KCNQ5: variants seen among roughly 807,000 people sequenced by gnomAD.
The protein encoded by KCNQ5 is potassium voltage-gated channel subfamily Q member 5.
KCNQ5 carries 30 observed loss-of-function variants against 98.2 expected under a neutral mutation model. The observed-to-expected ratio is 0.31, with a 90% CI of 0.23 to 0.41. KCNQ5 has a LOEUF of 0.41. Ranked by LOEUF, KCNQ5 falls within the 10% of genes least tolerant of loss-of-function variation. KCNQ5 has a pLI of 1.00. For synonymous variants in KCNQ5, 458 were observed against 449.4 expected, an observed-to-expected ratio of 1.02 and a Z score of -0.24; for missense variants, 835 against 1,182.5, an observed-to-expected ratio of 0.71 and a Z score of 4.31.
chr6:73,072,336 T>C (rs1356877637), intron 3 of KCNQ5, among the ~76,000 whole-genome samples: 1 of 152,216 alleles, frequency 6.6e-6, no homozygotes, highest in East Asian at 1.9e-4. Context: ...CCAGATGATT[T>C]AGTTCTTTTC....
intron 1 of KCNQ5, among the ~76,000 whole-genome samples, chr6:72,771,539 T>G (rs74953834): frequency 0.045 from 6,792 of 152,032 alleles, 493 homozygotes; most frequent in African/African-American, 0.15. Flanking sequence ...TCCCTGCTGA[T>G]TAGTGATGTA....
At chr6:72,995,677 G>A (rs1242099512) in intron 1 of KCNQ5, among the ~76,000 whole-genome samples, 1 of 152,118 alleles carries the variant, frequency 6.6e-6, no homozygotes, top group Non-Finnish European at 1.5e-5. Context: ...GAAGATAAGG[G>A]TAAAACATTA....
intron 1 of KCNQ5, among the ~76,000 whole-genome samples, chr6:72,785,526 T>C (rs1206961616): frequency 1.3e-5 from 2 of 151,778 alleles, no homozygotes; most frequent in Admixed American, 1.3e-4. Context: ...GGTGGGCGCC[T>C]GTAATCCCAG....
At position 73,149,641 on chromosome 6, in the gene KCNQ5, C is replaced by CA. The variant is rs368221650; in HGVS notation, c.1468+16006dup. Among the ~76,000 whole-genome samples, 1,497 of 152,014 alleles carry CA rather than the reference C, an allele frequency of 9.8e-3. 26 individuals carry two copies. Among genetic ancestry groups the CA allele is most frequent in the African/African-American group, 0.035 (1,436 of 41,450 alleles). ...TGAAACCCTGTCTCTACTAAAAATA[C>CA]AAAAAATTAGCTGGGCGATGTGGCA... On this transcript the variant is annotated intron_variant, in intron 10 of 13. Transcript: ENST00000370398.
intron 1 of KCNQ5, among the ~76,000 whole-genome samples, chr6:72,644,984 G>C (rs1262237963): frequency 3.9e-5 from 6 of 152,052 alleles, no homozygotes; most frequent in Admixed American, 3.3e-4. Context: ...TAGAACATGA[G>C]TTCTCAGGGT....
Position 72,873,457 on chromosome 6 carries a change from T to C in KCNQ5, c.399-130451T>C, listed in dbSNP as rs539751379. Among the ~76,000 whole-genome samples the C allele has an allele frequency of 5.9e-5, 9 of 152,044 alleles. No individual in the cohort carries two copies. In the South Asian group the frequency reaches 6.2e-4, roughly 11 times the overall value. On this transcript the variant is annotated intron_variant, in intron 1 of 13. Transcript: ENST00000370398. ...TCTGCAGGTACTTGTACAATCTGGG[T>C]GAGATTTTATTTGACCCCATCAAAA... is the stretch of plus-strand genomic sequence containing the variant.
chr6:72,891,178 CTTACTT>C (rs1779043897), intron 1 of KCNQ5, among the ~76,000 whole-genome samples: 1 of 152,180 alleles, frequency 6.6e-6, no homozygotes, highest in Admixed American at 6.5e-5. Flanking sequence ...TCACATTACT[CTTACTT>C]TAATTCCTTG....
rs181859900 is a variant in KCNQ5, at chr6:72,684,275, C to G, written c.398+61688C>G. 1.2e-3 allele frequency among the ~76,000 whole-genome samples: 178 copies of G among 152,250 alleles called. 1 individual carries two copies. The highest frequency in any genetic ancestry group is 2.1e-3 in the Non-Finnish European group (143 of 68,014). ...TGTGTGCACTGGCAGCAATGGCATC[C>G]CACGCTTCCCTGACACTGGAGGATA... On this transcript the variant is annotated intron_variant, in intron 1 of 13. Transcript: ENST00000370398.
At chr6:73,187,153 G>A (rs1025424179) in intron 11 of KCNQ5, among the ~76,000 whole-genome samples, 18 of 150,488 alleles carry the variant, frequency 1.2e-4, no homozygotes, top group African/African-American at 2.0e-4. Flanking sequence ...TCTGCCTCCC[G>A]GGTTCATGCC....
chr6:72,718,328 C>T lies in KCNQ5; in HGVS notation c.398+95741C>T, dbSNP rs1769757458. 2.0e-5 allele frequency among the ~76,000 whole-genome samples: 3 copies of T among 151,892 alleles called. No homozygotes were observed. The South Asian group carries it at 6.2e-4, about 32-fold the overall frequency. On this transcript the variant is annotated intron_variant, in intron 1 of 13. Coordinates refer to ENST00000370398, the MANE Select transcript of KCNQ5 (RefSeq NM_019842.4). ...TCCCTTTGCTGGTCTGCATGTTCTG[C>T]TTGCCAGTTTTCCACCTGCAGTTGG...
intron 1 of KCNQ5, among the ~76,000 whole-genome samples, chr6:72,627,728 C>A (rs936397149): frequency 6.6e-6 from 1 of 152,162 alleles, no homozygotes; most frequent in Non-Finnish European, 1.5e-5. Flanking sequence ...TAGCTACTCC[C>A]CTCTAATATG....
chr6:72,899,364 A>T (rs537591374), intron 1 of KCNQ5, among the ~76,000 whole-genome samples: 12 of 152,274 alleles, frequency 7.9e-5, no homozygotes, highest in African/African-American at 2.6e-4. Context: ...TTTCTCTCAA[A>T]TATTGCTGTG....
rs1777934511 is a variant in KCNQ5, at chr6:73,169,728, G to C, written c.1469-18G>C. On this transcript the variant is annotated intron_variant, in intron 10 of 13. Coordinates refer to ENST00000370398, the MANE Select transcript of KCNQ5 (RefSeq NM_019842.4). The stretch of plus-strand genomic sequence containing the variant: ...TTGCGGATGGTGGTGTTATTTAACT[G>C]GCAATATTCTCTTGCAGCTGACACA... 6.5e-7 allele frequency: 1 copy of C among 1,546,380 alleles called. No individual in the cohort carries two copies. The highest frequency in any genetic ancestry group is 8.9e-7 in the Non-Finnish European group (1 of 1,119,134).
chr6:73,147,019 T>C (rs1043056550), intron 10 of KCNQ5, among the ~76,000 whole-genome samples: 1 of 152,214 alleles, frequency 6.6e-6, no homozygotes, highest in Non-Finnish European at 1.5e-5. Flanking sequence ...GAAATTCTTA[T>C]GAAAATTGAA....
chr6:72,955,324 A>T (rs933116272), intron 1 of KCNQ5, among the ~76,000 whole-genome samples: 1 of 152,192 alleles, frequency 6.6e-6, no homozygotes, highest in Admixed American at 6.5e-5. Flanking sequence ...AGGCCTTCTG[A>T]ATTGTTCAGT....
chr6:73,179,229 T>C (rs1243300995), intron 11 of KCNQ5, among the ~76,000 whole-genome samples: 4 of 152,090 alleles, frequency 2.6e-5, no homozygotes, highest in Non-Finnish European at 5.9e-5. Context: ...TTATGGAGGC[T>C]GGGAGGTCCA....
intron 1 of KCNQ5, among the ~76,000 whole-genome samples, chr6:72,765,209 A>G (rs1013549131): frequency 7.2e-5 from 11 of 152,146 alleles, no homozygotes; most frequent in African/African-American, 2.4e-4. Flanking sequence ...TGTTTTCCAT[A>G]GTGGTTGTAC....
chr6:72,788,807 A>G (rs993056611), intron 1 of KCNQ5, among the ~76,000 whole-genome samples: 1 of 152,114 alleles, frequency 6.6e-6, no homozygotes, highest in South Asian at 2.1e-4. Flanking sequence ...AAGGCTTTTT[A>G]AGTTTTAAGG....
intron 1 of KCNQ5, among the ~76,000 whole-genome samples, chr6:72,940,252 T>C (rs748094212): frequency 6.6e-6 from 1 of 152,234 alleles, no homozygotes; most frequent in Non-Finnish European, 1.5e-5. Flanking sequence ...TTTGACAATG[T>C]CTACCAAAGG....
Sources: gnomAD v4.1 joint callset for allele counts (sites outside exome capture counted in the v4.1 genomes callset) on GRCh38, gnomAD v4.1.1 for gene constraint, MANE v1.5 for transcripts, NCBI Gene and HGNC (gene_info 2026-07-23, HGNC 2026-07-21) for gene names.